LRRC49: variants seen among roughly 807,000 people sequenced by gnomAD.
LRRC49 encodes the protein leucine-rich repeat-containing protein 49.
LRRC49 carries 50 observed loss-of-function variants against 83.3 expected under a neutral mutation model. The observed-to-expected ratio is 0.60, with a 90% CI of 0.48 to 0.76. The LOEUF is 0.76. Ranked by LOEUF, LRRC49 falls within the 30% of genes least tolerant of loss-of-function variation. LRRC49 has a pLI of 0.00. For synonymous variants in LRRC49, 286 were observed against 283.3 expected (o/e 1.01, Z -0.10); for missense variants, 704 against 809.1 (o/e 0.87, Z 1.58).
intron 13 of LRRC49, among the ~76,000 whole-genome samples, chr15:71,010,393 A>G (rs2038611269): frequency 6.6e-6 from 1 of 151,954 alleles, no homozygotes. Context: ...CTAAATGTCA[A>G]CTAATAAGGG....
chr15:70,919,404 A>G (rs1381893175), intron 7 of LRRC49, among the ~76,000 whole-genome samples: 4 of 152,246 alleles, frequency 2.6e-5, no homozygotes, highest in Non-Finnish European at 4.4e-5. Flanking sequence ...ATATAATGTT[A>G]GAAACACAAC....
rs2040008613 is a variant in LRRC49, at chr15:71,052,698, T to A, written c.*3086T>A. On this transcript the variant is annotated 3_prime_UTR_variant, in exon 16 of 16. Transcript: ENST00000260382. ...ACATTCTCATTTAATCTCCTAACAC[T>A]GCGATATATATATGATAGCAATCCC... The A allele has an allele frequency of 6.6e-6, 1 of 152,128 alleles. No homozygotes were observed. The highest frequency in any genetic ancestry group is 6.5e-5 in the Admixed American group (1 of 15,278). 9.4% of individuals were successfully genotyped at this position (152,128 alleles called of 1,614,324 possible).
intron 8 of LRRC49, among the ~76,000 whole-genome samples, chr15:70,947,808 C>T (rs2036062713): frequency 6.6e-6 from 1 of 152,116 alleles, no homozygotes; most frequent in Non-Finnish European, 1.5e-5. Context: ...TCATTTAGGT[C>T]AGGTGCCCAC....
chr15:70,858,646 C>T (rs2032709756), intron 1 of LRRC49: 2 of 528,670 alleles, frequency 3.8e-6, no homozygotes, highest in Non-Finnish European at 6.6e-6. Flanking sequence ...GACCAAGAAG[C>T]AGCTTCTCTG....
intron 4 of LRRC49, among the ~76,000 whole-genome samples, chr15:70,902,106 C>T (rs570843358): frequency 7.2e-5 from 11 of 152,186 alleles, no homozygotes; most frequent in East Asian, 5.8e-4. Context: ...GACATCTTTG[C>T]GGTATAAGTG....
intron 1 of LRRC49, chr15:70,858,979 C>T (rs955933528): frequency 3.4e-6 from 3 of 869,918 alleles, no homozygotes; most frequent in African/African-American, 3.3e-5. Context: ...GCTCTACACA[C>T]CCAAAGAAGG....
chr15:70,981,659 A>G (rs1014694659), intron 10 of LRRC49, among the ~76,000 whole-genome samples: 4 of 152,226 alleles, frequency 2.6e-5, no homozygotes, highest in African/African-American at 9.6e-5. Context: ...ATATACTGGT[A>G]TGGTCTTGCC....
chr15:70,987,451 A>G (rs2037670405), intron 11 of LRRC49, among the ~76,000 whole-genome samples: 1 of 152,048 alleles, frequency 6.6e-6, no homozygotes, highest in Admixed American at 6.6e-5. Context: ...CTCTGATGGC[A>G]ATTTGTATTT....
intron 11 of LRRC49, among the ~76,000 whole-genome samples, chr15:70,996,299 C>A (rs1310569616): frequency 6.6e-6 from 1 of 152,004 alleles, no homozygotes; most frequent in Non-Finnish European, 1.5e-5. Flanking sequence ...CCTTTAAAAT[C>A]TCCTAGAACT....
Position 70,911,418 on chromosome 15 carries a change from A to G in LRRC49, c.501-114A>G, listed in dbSNP as rs2034545939. 20 of 529,772 alleles carry G rather than the reference A, an allele frequency of 3.8e-5. No individual in the cohort carries two copies. In the South Asian group the frequency reaches 4.9e-4, roughly 13 times the overall value. The allele number at this position is 529,772 out of a possible 1,614,324, so 32.8% of individuals were successfully genotyped here. A position where few individuals can be genotyped will look rare whatever the true frequency, so the allele number is the denominator to read the frequency against. ...ATTATTGTTGAATATATATATAACTATATATGTAGATAGAGTAAATTAAAA... is the reference window on the plus strand; with the variant it reads ...ATTATTGTTGAATATATATATAACTGTATATGTAGATAGAGTAAATTAAAA... On this transcript the variant is annotated intron_variant, in intron 5 of 15. Coordinates refer to ENST00000260382, the MANE Select transcript of LRRC49 (RefSeq NM_017691.5).
intron 8 of LRRC49, 32 bp from the exon 9 acceptor site, chr15:70,963,753 G>C (rs1017034060): frequency 1.2e-6 from 2 of 1,604,782 alleles, no homozygotes; most frequent in Non-Finnish European, 1.7e-6. Flanking sequence ...TAAGGCCTCA[G>C]AATAATCCAG....
At chr15:71,000,706 T>C (rs928117567) in intron 11 of LRRC49, among the ~76,000 whole-genome samples, 2 of 152,230 alleles carry the variant, frequency 1.3e-5, no homozygotes, top group Non-Finnish European at 2.9e-5. Context: ...AATTTACTGC[T>C]GTTTCTACAT....
upstream of LRRC49, chr15:70,892,554 C>T: frequency 1.3e-6 from 2 of 1,501,290 alleles, no homozygotes; most frequent in Non-Finnish European, 1.8e-6. Flanking sequence ...CTGAGGTGGG[C>T]CGTAAAGAGG....
chr15:70,964,880 T>C (rs956748714), intron 9 of LRRC49, among the ~76,000 whole-genome samples: 3 of 152,178 alleles, frequency 2.0e-5, no homozygotes, highest in Non-Finnish European at 4.4e-5. Flanking sequence ...CCTATTTCTT[T>C]GTATATTAGC....
At chr15:70,959,422 C>T (rs1291337972) in intron 8 of LRRC49, among the ~76,000 whole-genome samples, 5 of 147,510 alleles carry the variant, frequency 3.4e-5, no homozygotes, top group Non-Finnish European at 6.0e-5. Flanking sequence ...ACCAGGGAGG[C>T]GGAGGTTGCA....
At chr15:70,959,798 A>C (rs1478182271) in intron 8 of LRRC49, among the ~76,000 whole-genome samples, 1 of 152,178 alleles carries the variant, frequency 6.6e-6, no homozygotes, top group Non-Finnish European at 1.5e-5. Flanking sequence ...CTGAAGAAAA[A>C]GTTAGAGGAG....
chr15:70,898,399 G>A (rs762554553), intron 3 of LRRC49: 2 of 701,312 alleles, frequency 2.9e-6, no homozygotes, highest in South Asian at 3.0e-5. Flanking sequence ...TGTAAAATGA[G>A]GTCCATCACC....
intron 8 of LRRC49, among the ~76,000 whole-genome samples, 181 bp from the exon 9 acceptor site, chr15:70,963,604 G>A (rs1324639007): frequency 6.6e-6 from 1 of 152,136 alleles, no homozygotes; most frequent in Non-Finnish European, 1.5e-5. Flanking sequence ...TGTAACAAAT[G>A]TACTATACTA....
chr15:70,873,111 C>T lies in LRRC49; in HGVS notation c.-95C>T, dbSNP rs1032861922. 8 of 998,250 alleles carry T rather than the reference C, an allele frequency of 8.0e-6. No homozygotes were observed. The Admixed American group carries it at 1.6e-4, about 20-fold the overall frequency. 61.8% of individuals were successfully genotyped at this position (998,250 alleles called of 1,614,324 possible). On this transcript the variant is annotated 5_prime_UTR_variant, in exon 2 of 17. Coordinates refer to the LRRC49 transcript ENST00000544974. The stretch of plus-strand genomic sequence containing the variant: ...TCTTGGCCAGGCTGGTCTTGAATTC[C>T]TGACCTCAAGTGATCCACCCGCCTT...
Sources: allele counts gnomAD v4.1 joint callset (sites outside exome capture counted in the v4.1 genomes callset), GRCh38; gene constraint gnomAD v4.1.1; transcripts MANE v1.5; gene names NCBI Gene and HGNC (gene_info 2026-07-23, HGNC 2026-07-21).